The following ARL10 variants were observed in gnomAD, a reference collection of about 807,000 sequenced individuals.
ARL10 encodes the protein ADP-ribosylation factor-like protein 10.
A neutral mutation model predicts 26.1 loss-of-function variants in ARL10; 23 were observed. That is an observed-to-expected ratio of 0.88 (90% CI 0.63 to 1.25). The LOEUF is 1.25. ARL10 is among the 50% of genes most tolerant of loss of function. The probability of loss-of-function intolerance (pLI) is 0.00; values close to 1 mark genes in which losing one functional copy is unlikely to be tolerated. For missense variants in ARL10, 300 were observed against 323.6 expected, an observed-to-expected ratio of 0.93 and a Z score of 0.56; for synonymous variants, 138 against 149.1, an observed-to-expected ratio of 0.93 and a Z score of 0.54.
chr5:176,389,970 G>A (rs535857645), downstream of ARL10, among the ~76,000 whole-genome samples: 1 of 152,118 alleles, frequency 6.6e-6, no homozygotes, highest in South Asian at 2.1e-4. Flanking sequence ...ATCACCTGAG[G>A]TCAAGAGTTC....
chr5:176,386,804 G>A, downstream of ARL10: 1 of 1,581,754 alleles, frequency 6.3e-7, no homozygotes, highest in Non-Finnish European at 8.7e-7. Context: ...CACAGTGCAG[G>A]ACAGTGACCT....
Position 176,373,190 on chromosome 5 carries a change from C to A in ARL10, c.*1295C>A. The A allele has an allele frequency of 2.5e-6, 1 of 396,680 alleles. No homozygotes were observed. Among genetic ancestry groups the A allele is most frequent in the Non-Finnish European group, 4.4e-6 (1 of 225,338 alleles). 24.6% of individuals were successfully genotyped at this position (396,680 alleles called of 1,614,324 possible). On this transcript the variant is annotated 3_prime_UTR_variant, in exon 4 of 4. Transcript: ENST00000310389. ...CCTAAGGACAGGAATAGCAGACCAG[C>A]CAACGGGATGGCCTTGGGTACATCA...
chr5:176,406,651 C>CGT, downstream of ARL10: 1 of 1,289,358 alleles, frequency 7.8e-7, no homozygotes, highest in Non-Finnish European at 1.0e-6. Flanking sequence ...TGGGCAGGCT[C>CGT]GTCCTTAGGC....
Position 176,379,506 on chromosome 5 carries a change from G to C in ARL10, c.*7611G>C, listed in dbSNP as rs1205049225. On this transcript the variant is annotated 3_prime_UTR_variant, in exon 4 of 4. Transcript: ENST00000310389. ...TATGTTTATGAACAAACAAGGTGAA[G>C]GGTTCAGTATAAGTTGGAAATCCTA... The C allele has an allele frequency of 6.6e-6, 1 of 152,166 alleles. No individual in the cohort carries two copies. Among genetic ancestry groups the C allele is most frequent in the Non-Finnish European group, 1.5e-5 (1 of 68,042 alleles). 9.4% of individuals were successfully genotyped at this position (152,166 alleles called of 1,614,324 possible). A position where few individuals can be genotyped will look rare whatever the true frequency, so the allele number is the denominator to read the frequency against.
downstream of ARL10, chr5:176,389,290 G>A (rs1257455889): frequency 1.3e-6 from 2 of 1,586,326 alleles, no homozygotes; most frequent in African/African-American, 2.7e-5. Flanking sequence ...GACCTGCGGG[G>A]CCCGACCTGC....
chr5:176,382,479 T>A (rs1026925389), downstream of ARL10, among the ~76,000 whole-genome samples: 1 of 152,160 alleles, frequency 6.6e-6, no homozygotes, highest in Admixed American at 6.6e-5. Flanking sequence ...ACTCCTCACA[T>A]AGAAGGGAAG....
At chr5:176,402,914 G>A (rs1004204948), downstream of ARL10, among the ~76,000 whole-genome samples, 20 of 152,206 alleles carry the variant, frequency 1.3e-4, no homozygotes, top group African/African-American at 4.8e-4. Context: ...AGAATCACGT[G>A]GGCCTGGAGC....
chr5:176,383,369 ACC>A (rs959895898), downstream of ARL10, among the ~76,000 whole-genome samples: 1 of 152,148 alleles, frequency 6.6e-6, no homozygotes, highest in African/African-American at 2.4e-5. Flanking sequence ...CCCACTCCAT[ACC>A]CTGCTTGTGA....
At chr5:176,387,085 TTTTTC>T in intron 1 of ARL10, 17 of 582,122 alleles carry the variant, frequency 2.9e-5, no homozygotes, top group African/African-American at 3.7e-5. Flanking sequence ...TCTCTTTTTT[TTTTTC>T]TTTTTCTTTT....
rs1755431690 is a variant in ARL10 at position 176,377,950 on chromosome 5, G to A, written c.*6055G>A. On this transcript the variant is annotated 3_prime_UTR_variant, in exon 4 of 4. Transcript: ENST00000310389. This position sits in a 1 kb window ranked among gnomAD's most constrained non-coding sequence, Gnocchi z 4.5. ...GCTAATTTTTTGTAATTTTTATAGA[G>A]AGGGTTTTATCCTCTTGCCCAGGCT... 1 of 152,100 alleles carries A rather than the reference G, an allele frequency of 6.6e-6. No homozygotes were observed. The highest frequency in any genetic ancestry group is 6.6e-5 in the Admixed American group (1 of 15,250). The allele number at this position is 152,100 out of a possible 1,614,324, so 9.4% of individuals were successfully genotyped here.
downstream of ARL10, chr5:176,389,217 G>T (rs1216294082): frequency 1.5e-6 from 2 of 1,314,912 alleles, no homozygotes; most frequent in Non-Finnish European, 2.1e-6. Flanking sequence ...TACCCTCGCC[G>T]CCCTCCCTCC....
downstream of ARL10, among the ~76,000 whole-genome samples, chr5:176,391,812 G>A (rs1023259614): frequency 1.1e-4 from 17 of 152,202 alleles, no homozygotes; most frequent in Non-Finnish European, 2.5e-4. Context: ...GCCACAGCTT[G>A]ATTTCAGATT....
At chr5:176,371,312 G>A (rs886421692) in intron 3 of ARL10, among the ~76,000 whole-genome samples, 2 of 152,242 alleles carry the variant, frequency 1.3e-5, no homozygotes, top group Non-Finnish European at 2.9e-5. Context: ...CACCACAGGA[G>A]GTGGAGGTTG....
chr5:176,398,460 C>T (rs2113638727), intron 1 of ARL10, among the ~76,000 whole-genome samples: 1 of 152,142 alleles, frequency 6.6e-6, no homozygotes, highest in South Asian at 2.1e-4. Context: ...ACCTGTAATC[C>T]CAACACTTTG....
downstream of ARL10, among the ~76,000 whole-genome samples, chr5:176,403,610 C>T (rs868830740): frequency 1.3e-5 from 2 of 151,904 alleles, no homozygotes; most frequent in Non-Finnish European, 2.9e-5. Context: ...CCCACGACCA[C>T]GCCTGGTTAA....
In ARL10 at chr5:176,374,630, T is replaced by C. The variant is rs1768636442; in HGVS notation, c.*2735T>C. ...AACAGCGTGCAAGCTCTGCTGCTCA[T>C]AGCCTGTTCAGGGTATAATGGCAAT... On this transcript the variant is annotated 3_prime_UTR_variant, in exon 4 of 4. Coordinates refer to ENST00000310389, the MANE Select transcript of ARL10 (RefSeq NM_173664.6). The C allele has an allele frequency of 6.6e-6, 1 of 152,264 alleles. No individual in the cohort carries two copies. The highest frequency in any genetic ancestry group is 1.5e-5 in the Non-Finnish European group (1 of 68,034). 9.4% of individuals were successfully genotyped at this position (152,264 alleles called of 1,614,324 possible).
downstream of ARL10, among the ~76,000 whole-genome samples, chr5:176,391,623 A>G (rs986141464): frequency 2.0e-5 from 3 of 152,240 alleles, no homozygotes; most frequent in Non-Finnish European, 4.4e-5. Context: ...GAAAAAAAAC[A>G]GAAAACGAAG....
chr5:176,407,777 G>T, the ARL10 span, among the ~76,000 whole-genome samples: 5 of 152,250 alleles, frequency 3.3e-5, no homozygotes, highest in African/African-American at 1.2e-4. Context: ...TGACTCCCTC[G>T]GGCCCAACTA....
In ARL10 at chr5:176,400,616, G is replaced by A. The variant is rs145913773; in HGVS notation, c.134-1125G>A. Reference sequence around the variant, plus strand: ...ACCCGCTCTGGCACCCACGCCCTCCGCATTCCTGTCTGCAGGCATCCCACT... The same window carrying A: ...ACCCGCTCTGGCACCCACGCCCTCCACATTCCTGTCTGCAGGCATCCCACT... On this transcript the variant is annotated intron_variant, in intron 1 of 1. Transcript: ENST00000514533. Among the ~76,000 whole-genome samples the A allele has an allele frequency of 5.9e-5, 9 of 152,236 alleles. No homozygotes were observed. The East Asian group carries it at 7.7e-4, about 13-fold the overall frequency.
Sources: gnomAD v4.1 joint callset for allele counts (sites outside exome capture counted in the v4.1 genomes callset) on GRCh38, gnomAD v4.1.1 for gene constraint, Gnocchi (gnomAD v3.1) non-coding constraint, MANE v1.5 for transcripts, NCBI Gene and HGNC (gene_info 2026-07-23, HGNC 2026-07-21) for gene names.